LRP1B: variants seen among roughly 807,000 people sequenced by gnomAD.
LRP1B encodes the protein low-density lipoprotein receptor-related protein 1B.
A neutral mutation model predicts 556.6 loss-of-function variants in LRP1B; 217 were observed. The ratio of observed to expected loss-of-function variants is 0.39; its 90% confidence interval spans 0.35 to 0.44. The LOEUF (loss-of-function observed/expected upper bound fraction) is 0.44, where lower values mean the gene tolerates loss of function less well. LRP1B is among the 20% of genes least tolerant of loss of function. The pLI is 1.00. For synonymous variants in LRP1B, 2,047 were observed against 1,865.8 expected, an observed-to-expected ratio of 1.10 and a Z score of -2.50; for missense variants, 5,053 against 5,620.8, an observed-to-expected ratio of 0.90 and a Z score of 3.23.
chr2:142,119,377 G>T (rs1178080654), intron 1 of LRP1B, among the ~76,000 whole-genome samples: 1 of 152,114 alleles, frequency 6.6e-6, no homozygotes, highest in East Asian at 1.9e-4. Flanking sequence ...ACTCCAAGCT[G>T]CCTTTTTGGC....
At chr2:141,010,847 G>A (rs181965698) in intron 14 of LRP1B, among the ~76,000 whole-genome samples, 92 of 151,826 alleles carry the variant, frequency 6.1e-4, no homozygotes, top group African/African-American at 2.1e-3. Context: ...TGAGGAGTAA[G>A]GGGAGATCTG....
chr2:140,477,825 C>T (rs1040954148), intron 59 of LRP1B, among the ~76,000 whole-genome samples: 1 of 152,058 alleles, frequency 6.6e-6, no homozygotes, highest in Non-Finnish European at 1.5e-5. Context: ...TTCTCTCCCT[C>T]GAATGAAAAC....
intron 68 of LRP1B, among the ~76,000 whole-genome samples, chr2:140,374,844 G>C (rs17477890): frequency 0.02 from 3,087 of 152,134 alleles, 37 homozygotes; most frequent in African/African-American, 0.028. Context: ...CTGCAAGTGG[G>C]CTCATTTAAG....
chr2:141,723,912 T>C (rs1272561057), intron 2 of LRP1B, among the ~76,000 whole-genome samples: 2 of 151,808 alleles, frequency 1.3e-5, no homozygotes, highest in African/African-American at 4.8e-5. Context: ...ACCAAAAATG[T>C]CAACACTAAT....
rs70994450 is a variant in LRP1B at position 141,752,945 on chromosome 2, G to GAAA, written c.205+57331_205+57333dup. Reference sequence around the variant, plus strand: ...GGTGACAGACTGAGACCCTGTCTCAGAAAAAAAAAAAAAAAATTATGCTGG... The same window carrying GAAA: ...GGTGACAGACTGAGACCCTGTCTCAGAAAAAAAAAAAAAAAAAAATTATGCTGG... On this transcript the variant is annotated intron_variant, in intron 2 of 90. Transcript: ENST00000389484. 1.2e-3 allele frequency among the ~76,000 whole-genome samples: 34 copies of GAAA among 28,224 alleles called. 4 individuals carry two copies. The highest frequency in any genetic ancestry group is 2.5e-3 in the African/African-American group (27 of 10,862). 18.5% of individuals were successfully genotyped at this position (28,224 alleles called of 152,430 possible). A position where few individuals can be genotyped will look rare whatever the true frequency, so the allele number is the denominator to read the frequency against.
chr2:140,647,100 A>G (rs982341631), intron 41 of LRP1B, among the ~76,000 whole-genome samples: 3 of 152,162 alleles, frequency 2.0e-5, no homozygotes, highest in African/African-American at 7.2e-5. Context: ...TTTTCTCCGC[A>G]TTTAAATGCA....
intron 42 of LRP1B, among the ~76,000 whole-genome samples, chr2:140,601,006 T>C (rs1486210767): frequency 1.3e-5 from 2 of 151,712 alleles, no homozygotes; most frequent in Non-Finnish European, 2.9e-5. Context: ...ACACAAAGAT[T>C]TTTGTATGGT....
chr2:142,011,172 A>G (rs1702948482), intron 1 of LRP1B, among the ~76,000 whole-genome samples: 2 of 152,136 alleles, frequency 1.3e-5, no homozygotes, highest in Non-Finnish European at 2.9e-5. Flanking sequence ...AAAGACTAAA[A>G]ATATCTCTGA....
chr2:141,551,456 C>A (rs1685748009), intron 2 of LRP1B, among the ~76,000 whole-genome samples: 1 of 151,956 alleles, frequency 6.6e-6, no homozygotes, highest in Non-Finnish European at 1.5e-5. Context: ...CAAGGTTACA[C>A]CAAAACTCTC....
At chr2:140,493,342 C>T (rs562919567) in intron 56 of LRP1B, among the ~76,000 whole-genome samples, 1 of 152,110 alleles carries the variant, frequency 6.6e-6, no homozygotes, top group Non-Finnish European at 1.5e-5. Flanking sequence ...TGGGAAAGAG[C>T]GTGATAAAGA....
chr2:141,771,101 T>C (rs1036893282), intron 2 of LRP1B, among the ~76,000 whole-genome samples: 2 of 152,222 alleles, frequency 1.3e-5, no homozygotes, highest in African/African-American at 4.8e-5. Flanking sequence ...TCCTTTTAAT[T>C]ATCATTTTTT....
chr2:140,902,666 C>T (rs897483206), intron 23 of LRP1B, among the ~76,000 whole-genome samples: 3 of 151,960 alleles, frequency 2.0e-5, no homozygotes, highest in African/African-American at 4.8e-5. Flanking sequence ...CGAGCCCATC[C>T]GGGATATGAT....
chr2:141,729,437 C>A (rs1226851927), intron 2 of LRP1B, among the ~76,000 whole-genome samples: 1 of 151,970 alleles, frequency 6.6e-6, no homozygotes, highest in Non-Finnish European at 1.5e-5. Context: ...CACATTTTAC[C>A]AAGGAGAGCC....
chr2:140,273,198 AAAG>A (rs1467529847), intron 85 of LRP1B, among the ~76,000 whole-genome samples: 1 of 151,922 alleles, frequency 6.6e-6, no homozygotes, highest in African/African-American at 2.4e-5. Flanking sequence ...ATGGAGTTGT[AAAG>A]AAGATTCCAC....
chr2:141,183,043 T>G (rs1681073229), intron 7 of LRP1B, among the ~76,000 whole-genome samples: 1 of 151,974 alleles, frequency 6.6e-6, no homozygotes, highest in Admixed American at 6.6e-5. Context: ...CCCCTACAGC[T>G]TTAGAACCGT....
At chr2:141,100,196 G>GT (rs530226727) in intron 7 of LRP1B, among the ~76,000 whole-genome samples, 9 of 152,116 alleles carry the variant, frequency 5.9e-5, no homozygotes, top group Non-Finnish European at 1.3e-4. Context: ...GAAATCCTTA[G>GT]TACTAACACT....
intron 18 of LRP1B, among the ~76,000 whole-genome samples, chr2:140,971,232 A>G (rs1385952740): frequency 6.6e-6 from 1 of 151,898 alleles, no homozygotes. Flanking sequence ...AAAGGAGAGG[A>G]TGCTGTGACA....
chr2:140,295,185 G>A (rs1174791708), intron 84 of LRP1B, among the ~76,000 whole-genome samples: 1 of 152,002 alleles, frequency 6.6e-6, no homozygotes. Context: ...GCTAATTAGT[G>A]TTATACAATA....
At chr2:140,505,663 G>A (rs942419480) in intron 53 of LRP1B, among the ~76,000 whole-genome samples, 1 of 152,076 alleles carries the variant, frequency 6.6e-6, no homozygotes, top group African/African-American at 2.4e-5. Context: ...TTATGATGTA[G>A]CCTTTAAAAT....
Sources: gnomAD v4.1 joint callset for allele counts (sites outside exome capture counted in the v4.1 genomes callset) on GRCh38, gnomAD v4.1.1 for gene constraint, MANE v1.5 for transcripts, NCBI Gene and HGNC (gene_info 2026-07-23, HGNC 2026-07-21) for gene names.